The following COL24A1 variants were observed in gnomAD, a reference collection of about 807,000 sequenced individuals.
COL24A1 encodes collagen type XXIV alpha 1 chain, also known as collagen alpha-1(XXIV) chain.
Under a neutral mutation model 253.9 loss-of-function variants are expected in COL24A1, and 224 were observed. The ratio of observed to expected loss-of-function variants is 0.88; its 90% CI spans 0.79 to 0.99. COL24A1 has a LOEUF of 0.99. COL24A1 is among the 50% of genes least tolerant of loss of function. The probability of loss-of-function intolerance (pLI) is 0.00; values close to 1 mark genes in which losing one functional copy is unlikely to be tolerated. For missense variants in COL24A1, 2,131 were observed against 2,068.5 expected (o/e 1.03, Z -0.59); for synonymous variants, 685 against 673.7 (o/e 1.02, Z -0.26).
intron 24 of COL24A1, among the ~76,000 whole-genome samples, chr1:85,924,476 C>T (rs530351792): frequency 1.3e-5 from 2 of 152,242 alleles, no homozygotes; most frequent in Admixed American, 6.5e-5. Flanking sequence ...TCCACCATTA[C>T]CAAGTTGGCT....
chr1:85,934,143 C>T (rs908481893), intron 24 of COL24A1, among the ~76,000 whole-genome samples: 2 of 152,056 alleles, frequency 1.3e-5, no homozygotes, highest in African/African-American at 4.8e-5. Flanking sequence ...GTTGGCTTCC[C>T]CCAGATTAAG....
At chr1:85,784,225 T>A (rs1189777883) in intron 49 of COL24A1, 34 bp downstream of exon 49, 1 of 1,611,592 alleles carries the variant, frequency 6.2e-7, no homozygotes, top group African/African-American at 1.3e-5. Context: ...CTCTGTAGAA[T>A]AAATGCTTGG....
At chr1:86,135,333 C>G (rs1650053455) in intron 2 of COL24A1, among the ~76,000 whole-genome samples, 1 of 152,024 alleles carries the variant, frequency 6.6e-6, no homozygotes, top group African/African-American at 2.4e-5. Flanking sequence ...TTAATTGGAG[C>G]ATTTAGCCCA....
At chr1:86,109,263 G>A (rs894531751) in intron 5 of COL24A1, among the ~76,000 whole-genome samples, 1 of 152,120 alleles carries the variant, frequency 6.6e-6, no homozygotes, top group Non-Finnish European at 1.5e-5. Context: ...ATTTTAAAGA[G>A]TCGTTTTTCC....
intron 4 of COL24A1, among the ~76,000 whole-genome samples, chr1:86,113,771 G>A (rs1194789676): frequency 7.4e-6 from 1 of 135,678 alleles, no homozygotes; most frequent in East Asian, 2.2e-4. Flanking sequence ...GGAGATCAAG[G>A]CTACAGTGAG....
At chr1:85,862,360 G>C (rs1241629043) in intron 37 of COL24A1, among the ~76,000 whole-genome samples, 3 of 152,108 alleles carry the variant, frequency 2.0e-5, no homozygotes, top group Admixed American at 6.6e-5. Flanking sequence ...CTGAATAAAA[G>C]TTTAGAAAAT....
chr1:85,909,410 CTATT>C (rs1685157572), intron 26 of COL24A1, among the ~76,000 whole-genome samples: 1 of 151,696 alleles, frequency 6.6e-6, no homozygotes, highest in African/African-American at 2.4e-5. Context: ...ACTTAGAAAA[CTATT>C]TAGTAAGTTA....
At chr1:85,953,104 A>G (rs1690085198) in intron 24 of COL24A1, among the ~76,000 whole-genome samples, 1 of 152,144 alleles carries the variant, frequency 6.6e-6, no homozygotes, top group African/African-American at 2.4e-5. Flanking sequence ...CTGACCATAA[A>G]AGTATCATTA....
intron 7 of COL24A1, among the ~76,000 whole-genome samples, chr1:86,071,581 A>T (rs1321336504): frequency 6.6e-6 from 1 of 152,178 alleles, no homozygotes; most frequent in Non-Finnish European, 1.5e-5. Context: ...GAAACGAAAA[A>T]AGAGCAAGAA....
At chr1:86,111,886 G>T (rs901428479) in intron 5 of COL24A1, among the ~76,000 whole-genome samples, 24 of 152,012 alleles carry the variant, frequency 1.6e-4, no homozygotes, top group Admixed American at 1.4e-3. Flanking sequence ...CACTCCTTAA[G>T]CCAGCAAGAT....
chr1:85,870,286 A>C (rs1680308608), intron 35 of COL24A1, among the ~76,000 whole-genome samples: 1 of 152,202 alleles, frequency 6.6e-6, no homozygotes, highest in Non-Finnish European at 1.5e-5. Context: ...TAGACAGATC[A>C]ATGAGACAGA....
At chr1:85,858,621 C>CTCCTTCCTTCCTTCTTTCCTTCCTTCCT (rs1678738331) in intron 37 of COL24A1, among the ~76,000 whole-genome samples, 3 of 113,270 alleles carry the variant, frequency 2.6e-5, no homozygotes, top group South Asian at 7.0e-4. Context: ...TATTTTCTCC[C>CTCCTTCCTTCCTTCTTTCCTTCCTTCCT]TCCTTCCTTC....
chr1:86,128,395 G>A (rs1388316532), intron 2 of COL24A1, among the ~76,000 whole-genome samples: 1 of 151,912 alleles, frequency 6.6e-6, no homozygotes, highest in Non-Finnish European at 1.5e-5. Flanking sequence ...AAGGAACCCT[G>A]CTTCTGTGGA....
At chr1:86,020,061 C>CTT (rs10582249) in intron 18 of COL24A1, among the ~76,000 whole-genome samples, 1,579 of 102,360 alleles carry the variant, frequency 0.015, 46 homozygotes, top group East Asian at 0.038. Flanking sequence ...TTCATTCTTT[C>CTT]TTTTTTTTTT....
Position 85,910,016 on chromosome 1 carries a change from C to T in COL24A1, c.2617-13G>A. ...TTCCACGTTCTCCCTTTTAAGAGAA[C>T]AAAGAAAAAAGAGTAACATAGAGGC... On this transcript the variant is annotated splice_polypyrimidine_tract_variant and intron_variant, in intron 25 of 59. Coordinates refer to ENST00000370571, the MANE Select transcript of COL24A1 (RefSeq NM_152890.7). The T allele has an allele frequency of 6.2e-7, 1 of 1,603,436 alleles. No individual in the cohort carries two copies.
intron 23 of COL24A1, 140 bp from the exon 24 acceptor site, chr1:85,961,433 T>A (rs569198754): frequency 1.5e-6 from 1 of 670,658 alleles, no homozygotes; most frequent in South Asian, 1.9e-5. Flanking sequence ...TACTTAAAAC[T>A]TTGTTATAAG....
intron 37 of COL24A1, among the ~76,000 whole-genome samples, chr1:85,853,754 C>CAAAT (rs1379890281): frequency 6.6e-6 from 1 of 152,082 alleles, no homozygotes; most frequent in Non-Finnish European, 1.5e-5. Flanking sequence ...ACTTGATGGC[C>CAAAT]AAATGTATGT....
intron 24 of COL24A1, among the ~76,000 whole-genome samples, chr1:85,943,841 C>A (rs548724001): frequency 6.6e-6 from 1 of 152,140 alleles, no homozygotes; most frequent in Non-Finnish European, 1.5e-5. Context: ...CAATTTGCTG[C>A]GCTATGTATT....
chr1:86,005,996 A>T (rs1380507252), intron 19 of COL24A1, among the ~76,000 whole-genome samples: 1 of 152,198 alleles, frequency 6.6e-6, no homozygotes, highest in East Asian at 1.9e-4. Flanking sequence ...ACCAACTAAT[A>T]CTTAGTTATG....
Sources: gnomAD v4.1 joint callset for allele counts (sites outside exome capture counted in the v4.1 genomes callset) on GRCh38, gnomAD v4.1.1 for gene constraint, MANE v1.5 for transcripts, NCBI Gene and HGNC (gene_info 2026-07-23, HGNC 2026-07-21) for gene names.